Variants in NAV3 observed in about 807,000 individuals in gnomAD.
The protein encoded by NAV3 is neuron navigator 3.
NAV3 carries 87 observed loss-of-function variants against 244.7 expected under a neutral mutation model. That is an observed-to-expected ratio of 0.36 (90% CI 0.30 to 0.42). NAV3 has a LOEUF of 0.42. Ranked by LOEUF, NAV3 falls within the 20% of genes least tolerant of loss-of-function variation. The probability of loss-of-function intolerance (pLI) is 1.00; values close to 1 mark genes in which losing one functional copy is unlikely to be tolerated. For synonymous variants in NAV3, 1,126 were observed against 1,042.2 expected (o/e 1.08, Z -1.55); for missense variants, 2,663 against 2,893.3 (o/e 0.92, Z 1.83).
chr12:77,638,737 A>G (rs571767639), intron 2 of NAV3, among the ~76,000 whole-genome samples: 1 of 152,228 alleles, frequency 6.6e-6, no homozygotes, highest in African/African-American at 2.4e-5. Flanking sequence ...AAAATCAGTA[A>G]TATTTATAGT....
chr12:78,107,772 A>C (rs1046997275), intron 12 of NAV3, among the ~76,000 whole-genome samples: 1 of 152,120 alleles, frequency 6.6e-6, no homozygotes, highest in Non-Finnish European at 1.5e-5. Flanking sequence ...CTAGTAGTGA[A>C]AGGACGACAT....
chr12:77,901,565 C>A (rs746253578), intron 1 of NAV3, among the ~76,000 whole-genome samples: 6 of 151,990 alleles, frequency 3.9e-5, no homozygotes, highest in Non-Finnish European at 8.8e-5. Flanking sequence ...CAAAAATTAA[C>A]CAGGCGTGGT....
chr12:77,901,131 T>C (rs117540133), intron 1 of NAV3, among the ~76,000 whole-genome samples: 110 of 152,336 alleles, frequency 7.2e-4, no homozygotes, highest in Middle Eastern at 3.4e-3. Flanking sequence ...TAGGCCTTTG[T>C]TGGATGCACA....
At chr12:77,742,343 A>G (rs1333445360) in intron 2 of NAV3, among the ~76,000 whole-genome samples, 2 of 152,068 alleles carry the variant, frequency 1.3e-5, no homozygotes, top group Non-Finnish European at 2.9e-5. Flanking sequence ...GCTGGTGGCA[A>G]TGTAAAGTGT....
At chr12:78,156,884 A>G (rs1340111327) in intron 22 of NAV3, among the ~76,000 whole-genome samples, 2 of 152,148 alleles carry the variant, frequency 1.3e-5, no homozygotes, top group Non-Finnish European at 1.5e-5. Flanking sequence ...AACTTATGCT[A>G]CATACCACAT....
At chr12:78,067,639 T>C (rs1019486425) in intron 12 of NAV3, among the ~76,000 whole-genome samples, 1 of 152,102 alleles carries the variant, frequency 6.6e-6, no homozygotes. Flanking sequence ...TCCTGGGCTT[T>C]TTATTCAAGA....
chr12:78,031,163 T>A (rs1365024310), intron 9 of NAV3, among the ~76,000 whole-genome samples: 2 of 152,012 alleles, frequency 1.3e-5, no homozygotes, highest in Non-Finnish European at 2.9e-5. Context: ...ACATTCAGAG[T>A]CCTGAAAATA....
Position 78,110,793 on chromosome 12 carries a change from C to T in NAV3, c.2637-5979C>T, listed in dbSNP as rs1270423474. Among the ~76,000 whole-genome samples, 5 of 151,998 alleles carry T rather than the reference C, an allele frequency of 3.3e-5. No homozygotes were observed. The South Asian group carries it at 1.0e-3, about 32-fold the overall frequency. On this transcript the variant is annotated intron_variant, in intron 12 of 39. Coordinates refer to ENST00000397909, the MANE Select transcript of NAV3 (RefSeq NM_001024383.2). ...TATATTCCATTCCATTATACATATT[C>T]CATTTCTGTATATAGGTTATATAGA...
intron 2 of NAV3, among the ~76,000 whole-genome samples, chr12:77,584,049 T>C (rs1391283169): frequency 6.6e-6 from 1 of 152,212 alleles, no homozygotes; most frequent in Non-Finnish European, 1.5e-5. Flanking sequence ...AGTATTACTG[T>C]AATTTCCTCA....
intron 2 of NAV3, among the ~76,000 whole-genome samples, chr12:77,735,810 C>T (rs969175420): frequency 1.3e-5 from 2 of 152,010 alleles, no homozygotes; most frequent in Non-Finnish European, 2.9e-5. Flanking sequence ...AATGGAATGC[C>T]ACATGCAATA....
At chr12:77,607,333 A>G (rs1323587618) in intron 2 of NAV3, among the ~76,000 whole-genome samples, 2 of 152,066 alleles carry the variant, frequency 1.3e-5, no homozygotes, top group Non-Finnish European at 2.9e-5. Context: ...CCTTAACTCA[A>G]TGAGGAATTT....
chr12:77,642,855 A>C (rs1233533933), intron 2 of NAV3, among the ~76,000 whole-genome samples: 10 of 152,234 alleles, frequency 6.6e-5, no homozygotes, highest in Non-Finnish European at 8.8e-5. Context: ...CTCTTATACT[A>C]GTTTATTATT....
chr12:77,951,268 C>G (rs1890847862), intron 3 of NAV3, among the ~76,000 whole-genome samples: 1 of 152,180 alleles, frequency 6.6e-6, no homozygotes, highest in Non-Finnish European at 1.5e-5. Flanking sequence ...AGGATATGAA[C>G]AGACACTTCT....
intron 5 of NAV3, among the ~76,000 whole-genome samples, chr12:77,994,102 T>C (rs1250418706): frequency 2.6e-5 from 4 of 152,264 alleles, no homozygotes; most frequent in Non-Finnish European, 4.4e-5. Flanking sequence ...ACAAAGATTT[T>C]GATTTAAAAA....
At chr12:77,617,172 A>G (rs753043209) in intron 2 of NAV3, among the ~76,000 whole-genome samples, 17 of 152,178 alleles carry the variant, frequency 1.1e-4, no homozygotes, top group Non-Finnish European at 1.6e-4. Flanking sequence ...TTAAATTTTT[A>G]AATTTTGGTA....
intron 1 of NAV3, among the ~76,000 whole-genome samples, chr12:77,879,947 A>G (rs1462000227): frequency 6.6e-6 from 1 of 152,122 alleles, no homozygotes; most frequent in East Asian, 1.9e-4. Context: ...AATGACTTAA[A>G]TTCTCTACTC....
rs776300350 is a variant in NAV3, at chr12:77,937,973, C to CT, written c.244-2338dup. Among the ~76,000 whole-genome samples, 32 of 152,034 alleles carry CT rather than the reference C, an allele frequency of 2.1e-4. No individual in the cohort carries two copies. In the East Asian group the frequency reaches 5.4e-3, roughly 26 times the overall value. The stretch of plus-strand genomic sequence containing the variant: ...TTTTTCTCCTTGTTTTACAACAAGA[C>CT]TTTTTTTTACAAGAGGAATCTGAAG... On this transcript the variant is annotated intron_variant, in intron 1 of 39. Coordinates refer to ENST00000397909, the MANE Select transcript of NAV3 (RefSeq NM_001024383.2).
intron 20 of NAV3, among the ~76,000 whole-genome samples, chr12:78,146,148 A>G (rs1956854823): frequency 6.6e-6 from 1 of 152,082 alleles, no homozygotes; most frequent in Non-Finnish European, 1.5e-5. Flanking sequence ...AATGACCTAT[A>G]TTTTAAGAAT....
chr12:77,896,597 C>T (rs1884657595), intron 1 of NAV3, among the ~76,000 whole-genome samples: 1 of 152,112 alleles, frequency 6.6e-6, no homozygotes. Context: ...AAAAATATTT[C>T]TCTACTAAAC....
Sources: allele counts gnomAD v4.1 joint callset (sites outside exome capture counted in the v4.1 genomes callset), GRCh38; gene constraint gnomAD v4.1.1; transcripts MANE v1.5; gene names NCBI Gene and HGNC (gene_info 2026-07-23, HGNC 2026-07-21).